The following EEIG2 variants were observed in gnomAD, a reference collection of about 807,000 sequenced individuals.
EEIG2 encodes family with sequence similarity 102 member B.
At chr1:108,606,826 AT>A in the EEIG2 span, among the ~76,000 whole-genome samples, 1 of 152,010 alleles carries the variant, frequency 6.6e-6, no homozygotes, top group Non-Finnish European at 1.5e-5. Context: ...AATTTTTTAA[AT>A]TTTGTTTTTT....
the EEIG2 span, chr1:108,638,709 A>G: frequency 6.6e-6 from 1 of 152,188 alleles, no homozygotes; most frequent in African/African-American, 2.4e-5. Flanking sequence ...GGTACTACGC[A>G]TAATGTTAAT....
chr1:108,589,568 T>G, the EEIG2 span, among the ~76,000 whole-genome samples: 1 of 152,072 alleles, frequency 6.6e-6, no homozygotes, highest in Admixed American at 6.6e-5. Flanking sequence ...GGTTTTCCCC[T>G]TGGCTTTGGT....
At chr1:108,635,155 C>A in the EEIG2 span, 1 of 1,614,084 alleles carries the variant, frequency 6.2e-7, no homozygotes, top group South Asian at 1.1e-5. Context: ...CGCTAGAAGT[C>A]AAGTCGGTGA....
At chr1:108,630,109 G>T in the EEIG2 span, among the ~76,000 whole-genome samples, 1 of 152,190 alleles carries the variant, frequency 6.6e-6, no homozygotes, top group Non-Finnish European at 1.5e-5. Flanking sequence ...CTCTTGAGCA[G>T]CTGGGACCAT....
At chr1:108,633,248 C>G in the EEIG2 span, among the ~76,000 whole-genome samples, 8 of 152,058 alleles carry the variant, frequency 5.3e-5, no homozygotes, top group African/African-American at 1.9e-4. Context: ...ATCCTGAACT[C>G]ATAGGATGTA....
At chr1:108,638,254 T>G in the EEIG2 span, 6 of 152,292 alleles carry the variant, frequency 3.9e-5, no homozygotes, top group East Asian at 1.2e-3. Context: ...TAGTTTCTTT[T>G]CTGTATGCTT....
the EEIG2 span, among the ~76,000 whole-genome samples, chr1:108,597,139 G>A: frequency 6.6e-6 from 1 of 152,184 alleles, no homozygotes; most frequent in South Asian, 2.1e-4. Context: ...CTCTGTGTAT[G>A]TGGCAGGTGC....
chr1:108,610,249 A>G, the EEIG2 span, among the ~76,000 whole-genome samples: 4 of 152,206 alleles, frequency 2.6e-5, no homozygotes, highest in Non-Finnish European at 5.9e-5. Flanking sequence ...TTTAGAATGC[A>G]CAAGAGCAGA....
At chr1:108,622,490 A>G in the EEIG2 span, among the ~76,000 whole-genome samples, 1 of 152,232 alleles carries the variant, frequency 6.6e-6, no homozygotes, top group Non-Finnish European at 1.5e-5. Context: ...TTGATTGGAC[A>G]TGGGAAAATG....
At chr1:108,600,631 C>G in the EEIG2 span, 2 of 1,610,522 alleles carry the variant, frequency 1.2e-6, no homozygotes, top group Non-Finnish European at 1.7e-6. Context: ...AAAATGAGTG[C>G]AAGTGCTGCC....
the EEIG2 span, among the ~76,000 whole-genome samples, chr1:108,565,602 G>A: frequency 6.6e-6 from 1 of 152,182 alleles, no homozygotes; most frequent in South Asian, 2.1e-4. Flanking sequence ...TCCCTAGTTT[G>A]CCTTATTTTG....
At chr1:108,602,060 A>T in the EEIG2 span, among the ~76,000 whole-genome samples, 1 of 152,202 alleles carries the variant, frequency 6.6e-6, no homozygotes, top group Non-Finnish European at 1.5e-5. Flanking sequence ...TGTAGGAAAC[A>T]ATTCAGTAAT....
At chr1:108,561,288 AT>A in the EEIG2 span, among the ~76,000 whole-genome samples, 2 of 152,322 alleles carry the variant, frequency 1.3e-5, no homozygotes, top group Non-Finnish European at 2.9e-5. Flanking sequence ...TGTGGCATTA[AT>A]AATAGGTGTG....
the EEIG2 span, among the ~76,000 whole-genome samples, chr1:108,584,036 G>A: frequency 6.6e-6 from 1 of 152,116 alleles, no homozygotes; most frequent in African/African-American, 2.4e-5. Context: ...TGAGAGAAAA[G>A]TTTCAATGGA....
At chr1:108,587,039 G>A in the EEIG2 span, among the ~76,000 whole-genome samples, 7 of 152,160 alleles carry the variant, frequency 4.6e-5, no homozygotes, top group East Asian at 1.4e-3. Context: ...ATTTCTTCAA[G>A]TGTTTTATTC....
the EEIG2 span, chr1:108,625,774 C>CTCTGTGTGTG: frequency 3.7e-3 from 87 of 23,254 alleles, no homozygotes; most frequent in African/African-American, 5.2e-3. Context: ...CTCTCTCTCT[C>CTCTGTGTGTG]TGTGTGTGTG....
chr1:108,570,431 T>C, the EEIG2 span, among the ~76,000 whole-genome samples: 1 of 152,002 alleles, frequency 6.6e-6, no homozygotes, highest in Admixed American at 6.6e-5. Flanking sequence ...AGTGGTTTGG[T>C]TTAGGGTTGG....
the EEIG2 span, among the ~76,000 whole-genome samples, chr1:108,614,141 T>G: frequency 6.7e-6 from 1 of 148,222 alleles, no homozygotes; most frequent in African/African-American, 2.5e-5. Flanking sequence ...CAGCTTAAAT[T>G]TCATGGGTCC....
chr1:108,630,734 C>T, the EEIG2 span, among the ~76,000 whole-genome samples: 1 of 152,160 alleles, frequency 6.6e-6, no homozygotes, highest in Admixed American at 6.5e-5. Flanking sequence ...TCTAATCACT[C>T]ACTTGCTCCT....
Sources: allele counts gnomAD v4.1 joint callset (sites outside exome capture counted in the v4.1 genomes callset), GRCh38; gene constraint gnomAD v4.1.1; transcripts MANE v1.5; gene names NCBI Gene and HGNC (gene_info 2026-07-23, HGNC 2026-07-21).